Variants in KLF8 observed in about 807,000 individuals in gnomAD.
KLF8 encodes the protein Krueppel-like factor 8.
In KLF8, 10 loss-of-function variants were observed where a neutral mutation model predicts 18.2. The observed-to-expected ratio is 0.55, with a 90% confidence interval of 0.34 to 0.93. The LOEUF (loss-of-function observed/expected upper bound fraction) is 0.93, where lower values mean the gene tolerates loss of function less well. Ranked by LOEUF, KLF8 falls within the 40% of genes least tolerant of loss-of-function variation. KLF8 has a pLI of 0.02. For missense variants in KLF8, 264 were observed against 277.9 expected, an observed-to-expected ratio of 0.95 and a Z score of 0.36; for synonymous variants, 109 against 97.3, an observed-to-expected ratio of 1.12 and a Z score of -0.71.
At chrX:56,240,739 A>G (rs2066533310) in intron 1 of KLF8, among the ~76,000 whole-genome samples, 1 of 111,734 alleles carries the variant, frequency 8.9e-6, no homozygotes, top group African/African-American at 3.3e-5. Context: ...TTAAGGAAAA[A>G]AAAAGAGCTT....
intron 2 of KLF8, among the ~76,000 whole-genome samples, chrX:56,260,674 T>A (rs2066871318): frequency 8.9e-6 from 1 of 111,901 alleles, no homozygotes; most frequent in South Asian, 3.8e-4. Context: ...AAACAGATAA[T>A]GCTCTTATTG....
At chrX:56,153,032 G>T in the KLF8 span, among the ~76,000 whole-genome samples, 86 of 111,794 alleles carry the variant, frequency 7.7e-4, no homozygotes, top group African/African-American at 2.3e-3. Context: ...GAGCTTTTGT[G>T]TATGTGACTT....
At chrX:55,930,175 C>T in the KLF8 span, among the ~76,000 whole-genome samples, 2 of 111,700 alleles carry the variant, frequency 1.8e-5, no homozygotes, top group South Asian at 7.4e-4. Context: ...CATGATTTGG[C>T]TCTCTGTTTG....
At chrX:55,986,306 G>C in the KLF8 span, among the ~76,000 whole-genome samples, 1 of 111,826 alleles carries the variant, frequency 8.9e-6, no homozygotes, top group Non-Finnish European at 1.9e-5. Flanking sequence ...TTTGAGATAT[G>C]TTCTTTCAAA....
chrX:56,137,779 CA>C, the KLF8 span, among the ~76,000 whole-genome samples: 13,082 of 99,645 alleles, frequency 0.13, 1,567 homozygotes, highest in African/African-American at 0.37. Flanking sequence ...AACAAAGAAA[CA>C]AAAAAAAAAG....
At chrX:55,939,772 C>A in the KLF8 span, among the ~76,000 whole-genome samples, 2 of 111,896 alleles carry the variant, frequency 1.8e-5, no homozygotes, top group Non-Finnish European at 3.8e-5. Flanking sequence ...ACTAGAAAAT[C>A]TGGAAGAAAT....
Position 56,288,230 on chromosome X carries a change from C to T in KLF8, c.*3736C>T, listed in dbSNP as rs2067288903. Among the ~76,000 whole-genome samples the T allele has an allele frequency of 9.2e-6, 1 of 108,382 alleles. No individual in the cohort carries two copies. Among genetic ancestry groups the T allele is most frequent in the African/African-American group, 3.4e-5 (1 of 29,011 alleles). 94.1% of individuals were successfully genotyped at this position (108,382 alleles called of 115,157 possible). A position where few individuals can be genotyped will look rare whatever the true frequency, so the allele number is the denominator to read the frequency against. ...CTCCAGCCTGGGTGACAGAGCGACA[C>T]ACTTGATCTCAAAAAAAAAAAAATT... On this transcript the variant is annotated 3_prime_UTR_variant, in exon 6 of 6. Transcript: ENST00000468660.
intron 2 of KLF8, among the ~76,000 whole-genome samples, chrX:56,261,732 A>G (rs1401302632): frequency 9.0e-6 from 1 of 111,511 alleles, no homozygotes; most frequent in Non-Finnish European, 1.9e-5. Context: ...TATTCAAACT[A>G]TGGAATAAGT....
At chrX:55,974,028 C>G in the KLF8 span, among the ~76,000 whole-genome samples, 15 of 111,826 alleles carry the variant, frequency 1.3e-4, no homozygotes, top group Admixed American at 3.8e-4. Flanking sequence ...ATGTTCATTT[C>G]AGCAACATGG....
intron 1 of KLF8, among the ~76,000 whole-genome samples, chrX:56,248,640 C>T (rs1273670568): frequency 9.0e-6 from 1 of 111,560 alleles, no homozygotes; most frequent in Non-Finnish European, 1.9e-5. Context: ...TCCACTCCTA[C>T]GCATGGTTCT....
At chrX:56,186,602 C>A in the KLF8 span, among the ~76,000 whole-genome samples, 1 of 111,433 alleles carries the variant, frequency 9.0e-6, no homozygotes, top group African/African-American at 3.3e-5. Flanking sequence ...CACACCTATT[C>A]CAAAATTGAC....
chrX:56,094,124 T>G, the KLF8 span, among the ~76,000 whole-genome samples: 1 of 110,506 alleles, frequency 9.0e-6, no homozygotes, highest in African/African-American at 3.3e-5. Context: ...TTAATAATCA[T>G]TTTATACATC....
chrX:55,946,912 A>G, the KLF8 span, among the ~76,000 whole-genome samples: 1 of 112,033 alleles, frequency 8.9e-6, no homozygotes, highest in East Asian at 2.8e-4. Flanking sequence ...GCCATCAGAG[A>G]AATGCAAATC....
chrX:56,180,827 T>C, the KLF8 span, among the ~76,000 whole-genome samples: 54 of 112,139 alleles, frequency 4.8e-4, no homozygotes, highest in South Asian at 0.02. Context: ...GTCTGTGAGA[T>C]AGTTTGTTAT....
the KLF8 span, among the ~76,000 whole-genome samples, chrX:56,005,145 C>G: frequency 1.8e-5 from 2 of 109,997 alleles, no homozygotes; most frequent in Non-Finnish European, 1.9e-5. Context: ...CAGGTTCAAG[C>G]AATTCTCCTG....
the KLF8 span, among the ~76,000 whole-genome samples, chrX:56,179,547 G>T: frequency 8.9e-6 from 1 of 112,192 alleles, no homozygotes; most frequent in South Asian, 3.7e-4. Flanking sequence ...AGTGGTGAAA[G>T]AGGGCATCCC....
chrX:56,177,270 A>G, the KLF8 span, among the ~76,000 whole-genome samples: 6 of 110,608 alleles, frequency 5.4e-5, no homozygotes, highest in Admixed American at 2.0e-4. Context: ...TGACTTACAG[A>G]TGGGGTTTTG....
chrX:56,063,558 C>G, the KLF8 span, among the ~76,000 whole-genome samples: 2 of 111,663 alleles, frequency 1.8e-5, no homozygotes, highest in Admixed American at 1.9e-4. Flanking sequence ...GGGGCACCCA[C>G]CAGAAGGCAG....
chrX:56,032,402 A>G, the KLF8 span, among the ~76,000 whole-genome samples: 10,165 of 111,344 alleles, frequency 0.091, 1,146 homozygotes, highest in African/African-American at 0.32. Flanking sequence ...TTGGCAATGT[A>G]TACCATTCTG....
Sources: allele counts gnomAD v4.1 joint callset (sites outside exome capture counted in the v4.1 genomes callset), GRCh38; gene constraint gnomAD v4.1.1; transcripts MANE v1.5; gene names NCBI Gene and HGNC (gene_info 2026-07-23, HGNC 2026-07-21).